DNAH1: variants seen among roughly 807,000 people sequenced by gnomAD.
The protein encoded by DNAH1 is axonemal beta dynein heavy chain 1.
In DNAH1, 327 loss-of-function variants were observed where a neutral mutation model predicts 484.3. The ratio of observed to expected loss-of-function variants is 0.68; its 90% CI spans 0.62 to 0.74. The LOEUF (loss-of-function observed/expected upper bound fraction) is 0.74. Ranked by LOEUF, DNAH1 falls within the 30% of genes least tolerant of loss-of-function variation. The pLI, the probability that DNAH1 is intolerant of heterozygous loss-of-function variation, is 0.00. For missense variants in DNAH1, 5,052 were observed against 5,546.8 expected, an observed-to-expected ratio of 0.91 and a Z score of 2.83; for synonymous variants, 2,192 against 2,191.9, an observed-to-expected ratio of 1.00 and a Z score of 0.00.
At position 52,395,735 on chromosome 3, in the gene DNAH1, C is replaced by T. The variant is rs1289662495; in HGVS notation, c.11259+57C>T. 1.3e-6 allele frequency: 2 copies of T among 1,570,182 alleles called. No homozygotes were observed. Among genetic ancestry groups the T allele is most frequent in the Admixed American group, 1.8e-5 (1 of 54,130 alleles). On this transcript the variant is annotated intron_variant, in intron 70 of 77. Coordinates refer to ENST00000420323, the MANE Select transcript of DNAH1 (RefSeq NM_015512.5). The surrounding 1 kb of genome is among the most constrained non-coding windows in gnomAD (Gnocchi z 4.4). ...GGGCCGCCTCTGCATCCATCAGGGA[C>T]TAATGAGGCAGAAATAAGAGAATCA...
Position 52,345,595 on chromosome 3 carries a change from G to C in DNAH1, c.1545G>C (p.Lys515Asn). Residue 515 changes from lysine (K) to asparagine (N), a missense_variant, in exon 10 of 78, where the codon AAG (lysine) becomes AAC (asparagine). Transcript: ENST00000420323. ...CAGAGGTCATCACGGCCCTCAGCAA[G>C]GTGAGGGCCGAGTGCAACAAGGTGA... Reference protein sequence around the residue: ...TRPEVITALSKVRAECNKVTA... With the variant: ...TRPEVITALSNVRAECNKVTA... 1 of 1,605,042 alleles carries C rather than the reference G, an allele frequency of 6.2e-7. No homozygotes were observed. The highest frequency in any genetic ancestry group is 8.5e-7 in the Non-Finnish European group (1 of 1,175,594).
rs73837050 is a variant in DNAH1, at chr3:52,331,359, C to T, written c.1033+50C>T. The T allele has an allele frequency of 2.4e-3, 3,765 of 1,556,378 alleles. 95 individuals are homozygous for T. The African/African-American group carries it at 0.046, about 19-fold the overall frequency. ...GGCAGAACCCCAGCTTGGGCCTGGC[C>T]GGCCTGTGACTGAGGCCAACTCCGC... On this transcript the variant is annotated intron_variant, in intron 7 of 77. Transcript: ENST00000420323.
chr3:52,316,195 C>G (rs1400623715), upstream of DNAH1: 2 of 152,318 alleles, frequency 1.3e-5, no homozygotes, highest in African/African-American at 4.8e-5. Flanking sequence ...TCATCCCTGA[C>G]ATCCCACCAT....
intron 44 of DNAH1, chr3:52,373,912 T>A: frequency 7.3e-7 from 1 of 1,368,894 alleles, no homozygotes; most frequent in African/African-American, 1.4e-5. Context: ...GGAGCAGAAT[T>A]TGACTCAGAG....
In DNAH1 at chr3:52,326,225, T is replaced by C. The variant is rs1466263725; in HGVS notation, c.492T>C (p.Thr164=). 3.7e-6 allele frequency: 6 copies of C among 1,613,316 alleles called. No individual in the cohort carries two copies. The highest frequency in any genetic ancestry group is 5.1e-6 in the Non-Finnish European group (6 of 1,179,706). The stretch of plus-strand genomic sequence containing the variant: ...CCACCACCCGGCTGCTCGCCCAGAC[T>C]GACTTCCCACTGCAGGCCTACGAGC... ...IGSTTRLLAQ[T]DFPLQAYEPK... The change falls in exon 4 of 78, where the codon ACT becomes ACC. Residue 164 remains threonine (T), a synonymous_variant. Coordinates refer to ENST00000420323, the MANE Select transcript of DNAH1 (RefSeq NM_015512.5).
chr3:52,391,064 C>T lies in DNAH1; in HGVS notation c.9741+10C>T, dbSNP rs775843911. The T allele has an allele frequency of 2.5e-6, 4 of 1,572,708 alleles. No individual in the cohort carries two copies. Among genetic ancestry groups the T allele is most frequent in the African/African-American group, 2.7e-5 (2 of 73,836 alleles). ...ATGGATCAAGAACATGGTGAGCCCA[C>T]CCACCAGGCACCACCACCCCACCCC... On this transcript the variant is annotated intron_variant, in intron 61 of 77. Transcript: ENST00000420323.
Position 52,369,982 on chromosome 3 carries a change from A to C in DNAH1, c.6101A>C (p.Glu2034Ala). Residue 2034 changes from glutamate to alanine, a missense_variant, in exon 38 of 78, where the codon GAG becomes GCG. By Grantham distance (107) the Glu-to-Ala change is moderately radical. This residue lies in a region of DNAH1 where 2,929 missense variants were observed against 3,409.4 expected (regional missense o/e 0.86). Coordinates refer to ENST00000420323, the MANE Select transcript of DNAH1 (RefSeq NM_015512.5). ...RKLPPLLKPY[E>A]EHFKALFVSF... is the part of the protein sequence containing the mutation. The stretch of plus-strand genomic sequence containing the variant: ...CTGCCTCCCTTGCTGAAGCCCTATG[A>C]GGAGCATTTCAAGGCCCTCTTTGTC... 1 of 1,613,878 alleles carries C rather than the reference A, an allele frequency of 6.2e-7. No homozygotes were observed. Among genetic ancestry groups the C allele is most frequent in the Non-Finnish European group, 8.5e-7 (1 of 1,179,844 alleles).
At chr3:52,349,480 C>A in intron 14 of DNAH1, 60 bp downstream of exon 14, 1 of 1,483,004 alleles carries the variant, frequency 6.7e-7, no homozygotes, top group Non-Finnish European at 9.4e-7. Flanking sequence ...GCAGCACACA[C>A]GGACCCTCAC....
intron 60 of DNAH1, among the ~76,000 whole-genome samples, chr3:52,390,370 T>A (rs1057218676): frequency 3.9e-5 from 6 of 151,954 alleles, no homozygotes; most frequent in Non-Finnish European, 8.8e-5. Context: ...GAGGCTGAGA[T>A]GGGAGGATCA....
intron 22 of DNAH1, among the ~76,000 whole-genome samples, chr3:52,357,035 T>TG (rs565462330): frequency 1.9e-4 from 29 of 150,982 alleles, no homozygotes; most frequent in Admixed American, 3.3e-4. Flanking sequence ...TGTTTTTTTT[T>TG]TTTTGTTTTT....
At chr3:52,356,918 TC>T in intron 22 of DNAH1, 140 bp downstream of exon 22, 1 of 1,102,492 alleles carries the variant, frequency 9.1e-7, no homozygotes. Context: ...AACCATGTCC[TC>T]CAGAGTGGGC....
At chr3:52,352,424 G>A in intron 17 of DNAH1, 128 bp from the exon 18 acceptor site, 2 of 1,321,246 alleles carry the variant, frequency 1.5e-6, no homozygotes, top group Admixed American at 2.5e-5. Flanking sequence ...CTCACTCCAG[G>A]AGAACAACCT....
intron 1 of DNAH1, among the ~76,000 whole-genome samples, chr3:52,318,861 A>T (rs1252194855): frequency 1.3e-5 from 2 of 152,248 alleles, no homozygotes; most frequent in African/African-American, 4.8e-5. Context: ...TTAAAGTCGC[A>T]GATCCATTTG....
intron 9 of DNAH1, among the ~76,000 whole-genome samples, 190 bp downstream of exon 9, chr3:52,344,837 G>A (rs542161488): frequency 7.9e-5 from 12 of 152,382 alleles, no homozygotes; most frequent in African/African-American, 2.9e-4. Flanking sequence ...CCAGGGGAAG[G>A]GAAGAAGGCT....
chr3:52,341,216 T>C (rs150346879), intron 8 of DNAH1, among the ~76,000 whole-genome samples: 8 of 152,176 alleles, frequency 5.3e-5, no homozygotes, highest in African/African-American at 1.7e-4. Flanking sequence ...ATCAGGGCCC[T>C]GTCTGCAGTG....
chr3:52,393,575 C>T, intron 66 of DNAH1, 90 bp downstream of exon 66: 1 of 1,556,540 alleles, frequency 6.4e-7, no homozygotes, highest in Non-Finnish European at 8.8e-7. Flanking sequence ...GAAAGCCAGG[C>T]ATGAAGGCAC....
rs1166352191 is a variant in DNAH1 at position 52,346,471 on chromosome 3, G to T, written c.1657-1G>T. 8 of 1,606,870 alleles carry T rather than the reference G, an allele frequency of 5.0e-6. No homozygotes were observed. The highest frequency in any genetic ancestry group is 6.8e-6 in the Non-Finnish European group (8 of 1,176,188). On this transcript the variant is annotated splice_acceptor_variant, in intron 10 of 77. Transcript: ENST00000420323. LOFTEE classifies it high-confidence loss of function. Reference sequence around the variant, plus strand: ...TATGATGATGCCTGTGGCCACTCTAGGTGCAGATGTTCCTCAAGGACAGCT... The same window carrying T: ...TATGATGATGCCTGTGGCCACTCTATGTGCAGATGTTCCTCAAGGACAGCT...
At chr3:52,318,542 A>G (rs1289020897) in intron 1 of DNAH1, among the ~76,000 whole-genome samples, 4 of 152,222 alleles carry the variant, frequency 2.6e-5, no homozygotes, top group African/African-American at 9.7e-5. Context: ...TGTTCACACA[A>G]TCATTCAGCA....
At chr3:52,322,326 AG>A in intron 1 of DNAH1, 82 bp from the exon 2 acceptor site, 1 of 920,018 alleles carries the variant, frequency 1.1e-6, no homozygotes, top group South Asian at 1.7e-5. Context: ...GGCTTGTGGC[AG>A]GCAGGCAATC....
Sources: gnomAD v4.1 joint callset for allele counts (sites outside exome capture counted in the v4.1 genomes callset) on GRCh38, gnomAD v4.1.1 for gene constraint, gnomAD v4.1.1 regional missense constraint, Gnocchi (gnomAD v3.1) non-coding constraint, MANE v1.5 for transcripts, NCBI Gene and HGNC (gene_info 2026-07-23, HGNC 2026-07-21) for gene names.